GPR89A: variants seen among roughly 807,000 people sequenced by gnomAD.
The protein encoded by GPR89A is golgi pH regulator A, also known as G protein-coupled receptor 89A.
A neutral mutation model predicts 52.0 loss-of-function variants in GPR89A; 16 were observed. The observed-to-expected ratio is 0.31, with a 90% CI of 0.21 to 0.47. GPR89A has a LOEUF of 0.47. Ranked by LOEUF, GPR89A falls within the 20% of genes least tolerant of loss-of-function variation. The pLI, the probability that GPR89A is intolerant of heterozygous loss-of-function variation, is 1.00. For missense variants in GPR89A, 135 were observed against 449.4 expected, an observed-to-expected ratio of 0.30 and a Z score of 6.33; for synonymous variants, 55 against 150.9, an observed-to-expected ratio of 0.36 and a Z score of 4.66.
At chr1:145,613,739 G>T (rs1220344103) in intron 1 of GPR89A, among the ~76,000 whole-genome samples, 1 of 150,768 alleles carries the variant, frequency 6.6e-6, no homozygotes, top group African/African-American at 2.4e-5. Context: ...GGAAAGCCCT[G>T]TCCTCCTACC....
chr1:145,667,820 A>G (rs1182304964), intron 12 of GPR89A, among the ~76,000 whole-genome samples: 1 of 152,150 alleles, frequency 6.6e-6, no homozygotes, highest in Non-Finnish European at 1.5e-5. Context: ...ACCATTTGTT[A>G]AATAGGGAAT....
chr1:145,648,834 T>C, intron 10 of GPR89A, among the ~76,000 whole-genome samples: 1 of 117,266 alleles, frequency 8.5e-6, no homozygotes. Flanking sequence ...ACGGAGTCTC[T>C]CTCTGTCTCC....
At chr1:145,638,922 A>G (rs1226209443) in intron 7 of GPR89A, among the ~76,000 whole-genome samples, 1 of 148,282 alleles carries the variant, frequency 6.7e-6, no homozygotes, top group Non-Finnish European at 1.5e-5. Flanking sequence ...CAGGAGTTTG[A>G]GTGCAGCCTG....
rs377396277 is a variant in GPR89A, at chr1:145,658,204, TA to T, written c.910-5124del. ...TTTAAATGTAATTTTAAAAAGTATA[TA>T]TTTTTTTTCATAGAGACGAGTCTCA... On this transcript the variant is annotated intron_variant, in intron 10 of 13. Transcript: ENST00000313835. Among the ~76,000 whole-genome samples the T allele has an allele frequency of 5.1e-4, 78 of 152,268 alleles. 1 individual carries two copies. The East Asian group carries it at 0.01, about 20-fold the overall frequency.
At chr1:145,613,195 G>A (rs1553686454) in intron 1 of GPR89A, among the ~76,000 whole-genome samples, 1 of 150,952 alleles carries the variant, frequency 6.6e-6, no homozygotes, top group African/African-American at 2.5e-5. Context: ...CCCATCCTCT[G>A]CCCCCTTTCC....
chr1:145,654,169 C>T (rs1277315221), intron 10 of GPR89A, among the ~76,000 whole-genome samples: 11 of 151,944 alleles, frequency 7.2e-5, no homozygotes, highest in African/African-American at 2.4e-4. Flanking sequence ...GTTCCCTCAG[C>T]ATTTGCTTGT....
intron 1 of GPR89A, among the ~76,000 whole-genome samples, chr1:145,609,063 A>G (rs1338821864): frequency 1.3e-5 from 2 of 152,212 alleles, no homozygotes; most frequent in African/African-American, 4.8e-5. Flanking sequence ...CAGGCATTCA[A>G]TAAATAATTG....
chr1:145,613,612 T>C (rs1571460960), intron 1 of GPR89A, among the ~76,000 whole-genome samples: 1 of 151,466 alleles, frequency 6.6e-6, no homozygotes, highest in South Asian at 2.1e-4. Context: ...CTGTCTAGCC[T>C]CATTTTTAAC....
Position 145,646,516 on chromosome 1 carries a change from A to G in GPR89A, c.816+244A>G, listed in dbSNP as rs587673235. ...TGGGATAGTCAGAAGAGGCTTTTCAACATTTAGGAAGGTGGCACGTACCAC... is the reference window on the plus strand; with the variant it reads ...TGGGATAGTCAGAAGAGGCTTTTCAGCATTTAGGAAGGTGGCACGTACCAC... On this transcript the variant is annotated intron_variant, in intron 9 of 13. Transcript: ENST00000313835. 38 of 476,074 alleles carry G rather than the reference A, an allele frequency of 8.0e-5. 1 individual carries two copies. In the South Asian group the frequency reaches 9.5e-4, roughly 12 times the overall value. The allele number at this position is 476,074 out of a possible 1,614,324, so 29.5% of individuals were successfully genotyped here.
At chr1:145,646,119 T>C in intron 8 of GPR89A, 65 bp from the exon 9 acceptor site, 1 of 1,613,424 alleles carries the variant, frequency 6.2e-7, no homozygotes. Flanking sequence ...CAAAAGTATA[T>C]GCTTTCTCAT....
At chr1:145,649,940 TA>T (rs1196762772) in intron 10 of GPR89A, among the ~76,000 whole-genome samples, 2 of 149,938 alleles carry the variant, frequency 1.3e-5, no homozygotes, top group Non-Finnish European at 3.0e-5. Context: ...TTCCCACCCA[TA>T]TTTTTTTTGG....
chr1:145,625,808 A>G (rs1553688924), intron 5 of GPR89A, among the ~76,000 whole-genome samples: 2 of 150,036 alleles, frequency 1.3e-5, no homozygotes, highest in Admixed American at 6.6e-5. Flanking sequence ...AGGTATCTAT[A>G]TCATCTATAA....
At chr1:145,611,152 C>T (rs1553686036) in intron 1 of GPR89A, among the ~76,000 whole-genome samples, 1 of 149,616 alleles carries the variant, frequency 6.7e-6, no homozygotes, top group African/African-American at 2.5e-5. Flanking sequence ...AATGAATTCT[C>T]CAGCTACTTG....
intron 1 of GPR89A, among the ~76,000 whole-genome samples, chr1:145,609,119 C>G (rs1195432808): frequency 6.6e-6 from 1 of 152,132 alleles, no homozygotes; most frequent in Non-Finnish European, 1.5e-5. Context: ...ACCTTCTTCC[C>G]CCCATCTTTC....
Position 145,652,848 on chromosome 1 carries a change from A to AT in GPR89A, c.909+5589dup, listed in dbSNP as rs587729456. Among the ~76,000 whole-genome samples the AT allele has an allele frequency of 2.0e-4, 30 of 147,838 alleles. 1 individual carries two copies. The highest frequency in any genetic ancestry group is 4.7e-4 in the African/African-American group (18 of 38,070). On this transcript the variant is annotated intron_variant, in intron 10 of 13. Coordinates refer to ENST00000313835, the MANE Select transcript of GPR89A (RefSeq NM_001097612.2). Reference sequence around the variant, plus strand: ...GATCAGTGGTGATGTCCCCTTTATCATTTTTTTTGTGTCTGTTTGATTCTT... The same window carrying AT: ...GATCAGTGGTGATGTCCCCTTTATCATTTTTTTTTGTGTCTGTTTGATTCTT...
intron 1 of GPR89A, chr1:145,612,329 TC>T (rs1463750940): frequency 6.6e-6 from 1 of 152,178 alleles, no homozygotes; most frequent in Non-Finnish European, 1.5e-5. Context: ...CCTCCTTTCC[TC>T]CCATTTCAGA....
intron 7 of GPR89A, among the ~76,000 whole-genome samples, chr1:145,636,469 T>G (rs1221773661): frequency 1.3e-5 from 2 of 150,522 alleles, no homozygotes; most frequent in South Asian, 4.3e-4. Context: ...ACATTTGTTA[T>G]GTACAAAAAA....
chr1:145,662,947 G>C (rs1553695861), intron 10 of GPR89A, among the ~76,000 whole-genome samples: 1 of 150,744 alleles, frequency 6.6e-6, no homozygotes, highest in East Asian at 2.0e-4. Flanking sequence ...TCCTTTTTCT[G>C]TTATTTTAGT....
chr1:145,610,541 T>G (rs1404422541), intron 1 of GPR89A, among the ~76,000 whole-genome samples: 2 of 152,176 alleles, frequency 1.3e-5, no homozygotes, highest in African/African-American at 4.8e-5. Context: ...AGATCTCAAG[T>G]TGAACATCCA....
Sources: gnomAD v4.1 joint callset for allele counts (sites outside exome capture counted in the v4.1 genomes callset) on GRCh38, gnomAD v4.1.1 for gene constraint, MANE v1.5 for transcripts, NCBI Gene and HGNC (gene_info 2026-07-23, HGNC 2026-07-21) for gene names.